NBAS: variants seen among roughly 807,000 people sequenced by gnomAD.
NBAS encodes NAG/BC035112 fusion.
A neutral mutation model predicts 302.5 loss-of-function variants in NBAS; 219 were observed. That is an observed-to-expected ratio of 0.72 (90% CI 0.65 to 0.81). The LOEUF (loss-of-function observed/expected upper bound fraction) is 0.81, where lower values mean the gene tolerates loss of function less well. Ranked by LOEUF, NBAS falls within the 30% of genes least tolerant of loss-of-function variation. The probability of loss-of-function intolerance (pLI) is 0.00; values close to 1 mark genes in which losing one functional copy is unlikely to be tolerated. For missense variants in NBAS, 2,932 were observed against 2,841.6 expected, an observed-to-expected ratio of 1.03 and a Z score of -0.72; for synonymous variants, 1,118 against 1,021.6, an observed-to-expected ratio of 1.09 and a Z score of -1.80.
chr2:14,926,522 T>C, the NBAS span, among the ~76,000 whole-genome samples: 4 of 152,046 alleles, frequency 2.6e-5, no homozygotes, highest in Non-Finnish European at 2.9e-5. Flanking sequence ...TTATAATAGT[T>C]CCTGGTATGA....
intron 25 of NBAS, 116 bp downstream of exon 25, chr2:15,415,430 G>T: frequency 4.3e-6 from 4 of 921,372 alleles, no homozygotes; most frequent in Middle Eastern, 6.7e-4. Flanking sequence ...ACAATCATTT[G>T]TTTTTCTGTT....
chr2:15,095,086 G>A, the NBAS span, among the ~76,000 whole-genome samples: 1 of 152,176 alleles, frequency 6.6e-6, no homozygotes, highest in African/African-American at 2.4e-5. Context: ...ACAGCCTGGT[G>A]TGTGTCTTTC....
chr2:15,421,893 C>T (rs559893715), intron 23 of NBAS, among the ~76,000 whole-genome samples: 2 of 152,196 alleles, frequency 1.3e-5, no homozygotes, highest in Non-Finnish European at 2.9e-5. Flanking sequence ...CATATATCTC[C>T]TGCCCCACCC....
At chr2:15,350,957 T>C (rs1335161750) in intron 35 of NBAS, among the ~76,000 whole-genome samples, 2 of 152,196 alleles carry the variant, frequency 1.3e-5, no homozygotes, top group African/African-American at 4.8e-5. Context: ...ATTATATACA[T>C]ATCTCACAAT....
At chr2:14,840,416 A>G in the NBAS span, among the ~76,000 whole-genome samples, 2 of 152,094 alleles carry the variant, frequency 1.3e-5, no homozygotes, top group Admixed American at 1.3e-4. Context: ...ACAGAGAAAT[A>G]TTAAGGTACA....
chr2:15,215,588 C>A (rs2147875047), intron 48 of NBAS, among the ~76,000 whole-genome samples: 1 of 152,154 alleles, frequency 6.6e-6, no homozygotes, highest in East Asian at 1.9e-4. Flanking sequence ...AAAGTTATCT[C>A]TGAGAATGAA....
chr2:14,840,387 A>C, the NBAS span, among the ~76,000 whole-genome samples: 1 of 152,086 alleles, frequency 6.6e-6, no homozygotes, highest in Non-Finnish European at 1.5e-5. Flanking sequence ...ATAACAAAAA[A>C]CATTCCAAAC....
chr2:15,465,721 A>G (rs1382053813), intron 19 of NBAS, among the ~76,000 whole-genome samples: 1 of 152,226 alleles, frequency 6.6e-6, no homozygotes, highest in Non-Finnish European at 1.5e-5. Flanking sequence ...TCTAAAAAAA[A>G]GTAAGCTCAA....
At chr2:15,449,111 T>A (rs1678887737) in intron 21 of NBAS, among the ~76,000 whole-genome samples, 1 of 151,714 alleles carries the variant, frequency 6.6e-6, no homozygotes, top group Non-Finnish European at 1.5e-5. Context: ...CACATTAGTT[T>A]AAAAAAAAGG....
the NBAS span, among the ~76,000 whole-genome samples, chr2:15,127,810 G>T: frequency 1.4e-4 from 21 of 152,276 alleles, no homozygotes; most frequent in East Asian, 4.1e-3. Flanking sequence ...TGGGCCCCAA[G>T]ATTGGGCTCA....
chr2:14,997,850 T>C, the NBAS span, among the ~76,000 whole-genome samples: 1 of 152,174 alleles, frequency 6.6e-6, no homozygotes, highest in Non-Finnish European at 1.5e-5. Flanking sequence ...AGCCAAGAGA[T>C]GAGTCAGACA....
the NBAS span, among the ~76,000 whole-genome samples, chr2:14,991,090 C>G: frequency 0.12 from 18,314 of 151,890 alleles, 1,254 homozygotes; most frequent in Middle Eastern, 0.2. Context: ...GACGAGTTAG[C>G]AGGGCAGATG....
At chr2:14,985,302 A>G in the NBAS span, among the ~76,000 whole-genome samples, 12 of 152,242 alleles carry the variant, frequency 7.9e-5, no homozygotes, top group Non-Finnish European at 1.6e-4. Flanking sequence ...AAACACTGTC[A>G]GTCCTGCCCA....
chr2:14,812,914 C>A, the NBAS span, among the ~76,000 whole-genome samples: 2 of 152,020 alleles, frequency 1.3e-5, no homozygotes, highest in Admixed American at 1.3e-4. Context: ...TAGCACCATC[C>A]CCCAGTGCTG....
At chr2:15,004,834 A>G in the NBAS span, among the ~76,000 whole-genome samples, 2 of 152,104 alleles carry the variant, frequency 1.3e-5, no homozygotes, top group African/African-American at 2.4e-5. Flanking sequence ...TTAAGACTTT[A>G]AAAAGTGTTT....
intron 24 of NBAS, among the ~76,000 whole-genome samples, chr2:15,416,729 C>G (rs1485930603): frequency 6.6e-6 from 1 of 151,320 alleles, no homozygotes; most frequent in East Asian, 1.9e-4. Flanking sequence ...TCGCTTGAAC[C>G]CAGGAGATGG....
the NBAS span, among the ~76,000 whole-genome samples, chr2:15,008,359 A>G: frequency 1.3e-5 from 2 of 152,198 alleles, no homozygotes; most frequent in Non-Finnish European, 1.5e-5. Context: ...AATTCACTAG[A>G]TTAGTCTTGA....
intron 40 of NBAS, among the ~76,000 whole-genome samples, chr2:15,293,434 A>T (rs1282002172): frequency 6.6e-6 from 1 of 152,206 alleles, no homozygotes; most frequent in African/African-American, 2.4e-5. Flanking sequence ...ATTCAAATAG[A>T]ACACAACCTA....
the NBAS span, among the ~76,000 whole-genome samples, chr2:14,959,799 C>T: frequency 1.3e-5 from 2 of 152,178 alleles, no homozygotes; most frequent in Non-Finnish European, 2.9e-5. Flanking sequence ...ACTTCAAATA[C>T]AATATTCCCT....
Sources: gnomAD v4.1 joint callset for allele counts (sites outside exome capture counted in the v4.1 genomes callset) on GRCh38, gnomAD v4.1.1 for gene constraint, MANE v1.5 for transcripts, NCBI Gene and HGNC (gene_info 2026-07-23, HGNC 2026-07-21) for gene names.